KCNJ18: variants seen among roughly 807,000 people sequenced by gnomAD.
KCNJ18 encodes the protein inward rectifier potassium channel 18.
A neutral mutation model predicts 17.3 loss-of-function variants in KCNJ18; 16 were observed. That is an observed-to-expected ratio of 0.92 (90% CI 0.62 to 1.40). The LOEUF (loss-of-function observed/expected upper bound fraction) is 1.40. KCNJ18 is among the 40% of genes most tolerant of loss of function. KCNJ18 has a pLI of 0.00. For missense variants in KCNJ18, 462 were observed against 626.8 expected (o/e 0.74, Z 2.81); for synonymous variants, 185 against 262.6 (o/e 0.70, Z 2.86).
Position 21,702,794 on chromosome 17 carries a change from C to T in KCNJ18, c.8C>T (p.Ala3Val), listed in dbSNP as rs1418858964. 101 of 1,587,616 alleles carry T rather than the reference C, an allele frequency of 6.4e-5. No individual in the cohort carries two copies. The highest frequency in any genetic ancestry group is 3.3e-4 in the Middle Eastern group (2 of 6,064). Residue 3 changes from alanine (A) to valine (V), a missense_variant, in exon 3 of 3, where the codon GCG becomes GTG. By Grantham distance (64) the Ala-to-Val change is moderately conservative. Around this residue, in one of 5 missense-constraint regions of KCNJ18, gnomAD observed 237 missense variants for 259.4 expected, o/e 0.91. Transcript: ENST00000567955. MTAASRANPYSIV... is the reference protein window; with the variant it reads MTVASRANPYSIV... ...GGTCCCCCAACCCCCGGGATGACCG[C>T]GGCCAGCCGGGCCAACCCCTACAGC...
intron 1 of KCNJ18, among the ~76,000 whole-genome samples, chr17:21,692,954 T>C (rs1442150990): frequency 0.028 from 4,214 of 150,432 alleles, no homozygotes; most frequent in African/African-American, 0.1. Context: ...GAAGGGGAAG[T>C]GCCTTGCCCT....
rs1412571745 is a variant in KCNJ18 at position 21,702,759 on chromosome 17, G to A, written c.-28G>A. ...CCGCCCTGCCTGGAGCTAGCCTGGG[G>A]GTGAGCCAGGGTCCCCCAACCCCCG... On this transcript the variant is annotated 5_prime_UTR_variant, in exon 3 of 3. Coordinates refer to ENST00000567955, the MANE Select transcript of KCNJ18 (RefSeq NM_001194958.2). 9.2e-5 allele frequency: 144 copies of A among 1,557,498 alleles called. No individual in the cohort carries two copies. The highest frequency in any genetic ancestry group is 1.2e-4 in the Non-Finnish European group (142 of 1,159,460).
At chr17:21,701,858 C>A (rs1192298187) in intron 2 of KCNJ18, among the ~76,000 whole-genome samples, 1 of 151,972 alleles carries the variant, frequency 6.6e-6, no homozygotes, top group Non-Finnish European at 1.5e-5. Flanking sequence ...TGGCAGTGAG[C>A]TGAAATTGCG....
chr17:21,693,294 G>A (rs1485697190), intron 1 of KCNJ18, among the ~76,000 whole-genome samples: 2 of 152,278 alleles, frequency 1.3e-5, no homozygotes, highest in Non-Finnish European at 1.5e-5. Flanking sequence ...CAGTACCCCT[G>A]TGTAGAGTAG....
In KCNJ18 at chr17:21,703,783, G is replaced by A. The variant is rs1433784379; in HGVS notation, c.997G>A (p.Glu333Lys). The part of the protein sequence containing the change: ...WGHRFEPVLF[E>K]EKNQYKIDYS... Reference sequence around the variant, plus strand: ...TCACCGCTTTGAGCCCGTGCTCTTCGAGGAGAAGAACCAGTACAAGATTGA... The same window carrying A: ...TCACCGCTTTGAGCCCGTGCTCTTCAAGGAGAAGAACCAGTACAAGATTGA... The change falls in exon 3 of 3, where the codon GAG (glutamate) becomes AAG (lysine). Residue 333 changes from glutamate (E) to lysine (K), a missense_variant. Around this residue, in one of 5 missense-constraint regions of KCNJ18, gnomAD observed 20 missense variants for 61.7 expected, o/e 0.32. Coordinates refer to ENST00000567955, the MANE Select transcript of KCNJ18 (RefSeq NM_001194958.2). 45 of 1,110,830 alleles carry A rather than the reference G, an allele frequency of 4.1e-5. No homozygotes were observed. The highest frequency in any genetic ancestry group is 4.8e-5 in the Non-Finnish European group (42 of 875,562). 68.8% of individuals were successfully genotyped at this position (1,110,830 alleles called of 1,614,324 possible).
intron 1 of KCNJ18, among the ~76,000 whole-genome samples, chr17:21,693,680 G>A (rs1442820436): frequency 6.6e-6 from 1 of 151,860 alleles, no homozygotes; most frequent in Non-Finnish European, 1.5e-5. Flanking sequence ...GCCAAGCACA[G>A]TGTTGGCTCA....
rs1400153032 is a variant in KCNJ18 at position 21,701,220 on chromosome 17, C to G, written c.-56-1511C>G. On this transcript the variant is annotated intron_variant, in intron 2 of 2. Coordinates refer to ENST00000567955, the MANE Select transcript of KCNJ18 (RefSeq NM_001194958.2). The stretch of plus-strand genomic sequence containing the variant: ...GGGTGGGCACATCAGTGGCTGAGAG[C>G]AGGCTTTGTTCTGGCTGGCATGGAT... 8.2e-3 allele frequency among the ~76,000 whole-genome samples: 1,242 copies of G among 152,348 alleles called. 6 individuals carry two copies. Among genetic ancestry groups the G allele is most frequent in the African/African-American group, 0.029 (1,195 of 41,572 alleles).
At chr17:21,694,579 C>T (rs1158454961) in intron 1 of KCNJ18, among the ~76,000 whole-genome samples, 1 of 150,532 alleles carries the variant, frequency 6.6e-6, no homozygotes, top group Non-Finnish European at 1.5e-5. Flanking sequence ...CACTCATCCA[C>T]CCATCCATCT....
In KCNJ18 at chr17:21,704,253, G is replaced by A; in HGVS notation, c.*165G>A. The A allele has an allele frequency of 1.2e-5, 11 of 882,880 alleles. No homozygotes were observed. The highest frequency in any genetic ancestry group is 3.6e-4 in the Middle Eastern group (1 of 2,792). 54.7% of individuals were successfully genotyped at this position (882,880 alleles called of 1,614,324 possible). A position where few individuals can be genotyped will look rare whatever the true frequency, so the allele number is the denominator to read the frequency against. ...TTGCAAAGGCCTCAGAAGGTTGGCC[G>A]GAGAGGGGGCAGCCAGAGCGGCAGC... On this transcript the variant is annotated 3_prime_UTR_variant, in exon 3 of 3. Coordinates refer to ENST00000567955, the MANE Select transcript of KCNJ18 (RefSeq NM_001194958.2).
intron 2 of KCNJ18, among the ~76,000 whole-genome samples, chr17:21,697,733 G>T (rs1172600005): frequency 6.6e-6 from 1 of 152,310 alleles, no homozygotes; most frequent in African/African-American, 2.4e-5. Context: ...CCTATGTGAT[G>T]GAGCAAGGGC....
In KCNJ18 at chr17:21,704,590, T is replaced by TA; in HGVS notation, c.*503dup. The TA allele has an allele frequency of 5.9e-6, 1 of 168,572 alleles. No homozygotes were observed. The highest frequency in any genetic ancestry group is 1.4e-5 in the Non-Finnish European group (1 of 69,736). The allele number at this position is 168,572 out of a possible 1,614,324, so 10.4% of individuals were successfully genotyped here. A position where few individuals can be genotyped will look rare whatever the true frequency, so the allele number is the denominator to read the frequency against. ...ATTCATAGGGGGCAAAAAGAACAAT[T>TA]AGAATTCCATGGGTCTGCCAGGATG... On this transcript the variant is annotated 3_prime_UTR_variant, in exon 3 of 3. Coordinates refer to ENST00000567955, the MANE Select transcript of KCNJ18 (RefSeq NM_001194958.2).
At chr17:21,694,270 A>G (rs1382467249) in intron 1 of KCNJ18, among the ~76,000 whole-genome samples, 2 of 152,024 alleles carry the variant, frequency 1.3e-5, no homozygotes, top group Non-Finnish European at 1.5e-5. Context: ...GGTGAGAAGC[A>G]TGTCAGGTGG....
chr17:21,702,825 G>A lies in KCNJ18; in HGVS notation c.39G>A (p.Val13=). The A allele has an allele frequency of 1.3e-6, 2 of 1,596,224 alleles. No individual in the cohort carries two copies. Among genetic ancestry groups the A allele is most frequent in the South Asian group, 1.1e-5 (1 of 90,002 alleles). The change falls in exon 3 of 3, where the codon GTG becomes GTA. Residue 13 remains valine, a synonymous_variant. Coordinates refer to ENST00000567955, the MANE Select transcript of KCNJ18 (RefSeq NM_001194958.2). ...AASRANPYSI[V]SLEEDGLHLV... ...GCCGGGCCAACCCCTACAGCATCGT[G>A]TCATTGGAGGAGGACGGGCTGCACC...
chr17:21,697,663 A>T (rs1477289840), intron 2 of KCNJ18, among the ~76,000 whole-genome samples: 4 of 152,310 alleles, frequency 2.6e-5, no homozygotes, highest in South Asian at 2.1e-4. Flanking sequence ...TCCTACACCC[A>T]GGGCAGGGCC....
rs1906005143 is a variant in KCNJ18, at chr17:21,702,765, C to G, written c.-22C>G. On this transcript the variant is annotated 5_prime_UTR_variant, in exon 3 of 3. Coordinates refer to ENST00000567955, the MANE Select transcript of KCNJ18 (RefSeq NM_001194958.2). The stretch of plus-strand genomic sequence containing the variant: ...TGCCTGGAGCTAGCCTGGGGGTGAG[C>G]CAGGGTCCCCCAACCCCCGGGATGA... 3 of 1,563,748 alleles carry G rather than the reference C, an allele frequency of 1.9e-6. No individual in the cohort carries two copies. The highest frequency in any genetic ancestry group is 2.6e-6 in the Non-Finnish European group (3 of 1,162,876).
chr17:21,693,446 A>G (rs1172629085), intron 1 of KCNJ18, among the ~76,000 whole-genome samples: 712 of 152,140 alleles, frequency 4.7e-3, no homozygotes, highest in African/African-American at 0.015. Context: ...ATGTGGATAG[A>G]TGCTGCTGCC....
intron 2 of KCNJ18, among the ~76,000 whole-genome samples, chr17:21,701,259 G>T (rs1478191077): frequency 6.6e-6 from 1 of 152,304 alleles, no homozygotes; most frequent in Non-Finnish European, 1.5e-5. Flanking sequence ...CTGCTGCGGG[G>T]CCTGTCTTGG....
chr17:21,697,662 C>A (rs1165247699), intron 2 of KCNJ18, among the ~76,000 whole-genome samples: 2 of 152,428 alleles, frequency 1.3e-5, no homozygotes, highest in East Asian at 1.9e-4. Context: ...GTCCTACACC[C>A]AGGGCAGGGC....
At chr17:21,694,944 C>T (rs1251476547) in intron 1 of KCNJ18, among the ~76,000 whole-genome samples, 6 of 152,202 alleles carry the variant, frequency 3.9e-5, no homozygotes, top group Non-Finnish European at 7.3e-5. Flanking sequence ...TCCACTCATT[C>T]ACTCACCCAT....
Sources: allele counts gnomAD v4.1 joint callset (sites outside exome capture counted in the v4.1 genomes callset), GRCh38; gene constraint gnomAD v4.1.1; regional missense constraint gnomAD v4.1.1; transcripts MANE v1.5; gene names NCBI Gene and HGNC (gene_info 2026-07-23, HGNC 2026-07-21).